LTBP4: variants seen among roughly 807,000 people sequenced by gnomAD.
LTBP4 encodes the protein latent-transforming growth factor beta-binding protein 4.
Under a neutral mutation model 180.2 loss-of-function variants are expected in LTBP4, and 93 were observed. The observed-to-expected ratio is 0.52, with a 90% CI of 0.44 to 0.61. The LOEUF is 0.61. Ranked by LOEUF, LTBP4 falls within the 20% of genes least tolerant of loss-of-function variation. LTBP4 has a pLI of 0.00. For missense variants in LTBP4, 2,116 were observed against 2,256.5 expected (o/e 0.94, Z 1.26); for synonymous variants, 947 against 934.5 (o/e 1.01, Z -0.24).
At position 40,627,748 on chromosome 19, in the gene LTBP4, C is replaced by A; in HGVS notation, c.4410C>A (p.Cys1470Ter). The A allele has an allele frequency of 6.3e-7, 1 of 1,595,458 alleles. No individual in the cohort carries two copies. Among genetic ancestry groups the A allele is most frequent in the Non-Finnish European group, 8.5e-7 (1 of 1,172,836 alleles). ...EPYEELEAEE[C>*]GILDGCTNGR... The stretch of plus-strand genomic sequence containing the variant: ...ACGAGGAGCTGGAGGCGGAGGAGTG[C>A]GGGATCCTGGACGGCTGCACCAACG... The change falls in exon 29 of 30, where the codon TGC becomes TGA. Residue 1470 changes from cysteine to a stop codon, truncating the protein, a stop_gained. Transcript: ENST00000396819. LOFTEE classifies it high-confidence loss of function.
intron 22 of LTBP4, among the ~76,000 whole-genome samples, chr19:40,620,457 ATT>A (rs35660397): frequency 6.0e-4 from 88 of 146,872 alleles, no homozygotes; most frequent in Non-Finnish European, 6.3e-4. Context: ...AGGCTGCAGT[ATT>A]TTTTTTTTTT....
chr19:40,595,633 G>A lies in LTBP4; in HGVS notation c.16+2452G>A, dbSNP rs111812801. 4.6e-5 allele frequency among the ~76,000 whole-genome samples: 7 copies of A among 152,270 alleles called. 2 individuals are homozygous for A. The highest frequency in any genetic ancestry group is 1.7e-4 in the African/African-American group (7 of 41,562). On this transcript the variant is annotated intron_variant, in intron 1 of 32. Transcript: ENST00000204005. ...TGAAGCCTGGAACCCCGGTGTGGAC[G>A]GGGTTTAAGGGCCCCTGTGGCTTGC...
In LTBP4 at chr19:40,608,582, G is replaced by A. The variant is rs943983449; in HGVS notation, c.1405G>A (p.Gly469Ser). Residue 469 changes from glycine to serine, a missense_variant, in exon 9 of 30, where the codon GGT (glycine) becomes AGT (serine). Gly to Ser is a moderately conservative substitution (Grantham distance 56, BLOSUM62 0). Around this residue, in one of 5 missense-constraint regions of LTBP4, gnomAD observed 877 missense variants for 873.6 expected, o/e 1.00. Transcript: ENST00000396819. ...LPLPSIPAWT[G>S]PEIPESGPSS... ...CTTGCCCAGCATCCCTGCCTGGACT[G>A]GTCCTGAGATTCCTGAATCAGGTTT... 1.3e-6 allele frequency: 2 copies of A among 1,597,738 alleles called. No homozygotes were observed. Among genetic ancestry groups the A allele is most frequent in the Admixed American group, 1.8e-5 (1 of 57,040 alleles).
Position 40,622,773 on chromosome 19 carries a change from T to C in LTBP4, c.3484+106T>C. 1 of 1,451,080 alleles carries C rather than the reference T, an allele frequency of 6.9e-7. No homozygotes were observed. Among genetic ancestry groups the C allele is most frequent in the South Asian group, 1.4e-5 (1 of 73,956 alleles). 89.9% of individuals were successfully genotyped at this position (1,451,080 alleles called of 1,614,324 possible). A position where few individuals can be genotyped will look rare whatever the true frequency, so the allele number is the denominator to read the frequency against. Reference sequence around the variant, plus strand: ...ACTTTTGGACAGGGCCTTGAGGTACTAGTACTGTCAGGGCAAGGGCGAGCT... The same window carrying C: ...ACTTTTGGACAGGGCCTTGAGGTACCAGTACTGTCAGGGCAAGGGCGAGCT... On this transcript the variant is annotated intron_variant, in intron 23 of 29. Coordinates refer to ENST00000396819, the MANE Select transcript of LTBP4 (RefSeq NM_001042545.2). This position sits in a 1 kb window ranked among gnomAD's most constrained non-coding sequence, Gnocchi z 5.1.
rs1397661653 is a variant in LTBP4 at position 40,622,520 on chromosome 19, C to T, written c.3337C>T (p.Arg1113Cys). Residue 1113 changes from arginine to cysteine, a missense_variant, in exon 23 of 30, where the codon CGC becomes TGC. Transcript: ENST00000396819. The surrounding 1 kb of genome is among the most constrained non-coding windows in gnomAD (Gnocchi z 5.1). Reference protein sequence around the residue: ...TPRQGPVGSGRRECYFDTAAP... With the variant: ...TPRQGPVGSGCRECYFDTAAP... ...TAGGCAGGGCCCTGTGGGGAGTGGGCGCCGGGAGTGCTACTTTGACACAGC... is the reference window on the plus strand; with the variant it reads ...TAGGCAGGGCCCTGTGGGGAGTGGGTGCCGGGAGTGCTACTTTGACACAGC... The T allele has an allele frequency of 4.3e-6, 7 of 1,613,510 alleles. No individual in the cohort carries two copies. The highest frequency in any genetic ancestry group is 5.1e-6 in the Non-Finnish European group (6 of 1,179,780).
chr19:40,613,320 T>G lies in LTBP4; in HGVS notation c.2432-84T>G. 6.4e-7 allele frequency: 1 copy of G among 1,551,380 alleles called. No individual in the cohort carries two copies. Among genetic ancestry groups the G allele is most frequent in the South Asian group, 1.2e-5 (1 of 84,544 alleles). On this transcript the variant is annotated intron_variant, in intron 16 of 29. Transcript: ENST00000396819. This position sits in a 1 kb window ranked among gnomAD's most constrained non-coding sequence, Gnocchi z 5.0. ...GAGGAGCTTAGAAACCTGGCATTGG[T>G]GGGGGCGGGGTTACTGCGATGTGGG... is the stretch of plus-strand genomic sequence containing the variant.
At position 40,608,203 on chromosome 19, in the gene LTBP4, C is replaced by G. The variant is rs181126225; in HGVS notation, c.1157-17C>G. The G allele has an allele frequency of 1.2e-3, 1,949 of 1,613,730 alleles. 26 individuals are homozygous for G. Among genetic ancestry groups the G allele is most frequent in the Non-Finnish European group, 2.4e-4 (288 of 1,179,826 alleles). ...CCGCTCTCTTGTCCTCTCTCTGTCT[C>G]TCTTACCTATTCCCAGAGGGTTTCC... On this transcript the variant is annotated splice_polypyrimidine_tract_variant and intron_variant, in intron 7 of 29. Transcript: ENST00000396819.
intron 12 of LTBP4, 25 bp downstream of exon 12, chr19:40,610,682 G>A (rs2081499679): frequency 1.3e-6 from 2 of 1,568,896 alleles, no homozygotes; most frequent in Non-Finnish European, 1.7e-6. Context: ...GGGGCAGCTG[G>A]GAAGGGGTGT....
chr19:40,601,902 G>C (rs982989154), intron 1 of LTBP4, among the ~76,000 whole-genome samples: 1 of 151,990 alleles, frequency 6.6e-6, no homozygotes, highest in Non-Finnish European at 1.5e-5. Context: ...TTCATGCTTT[G>C]CGTCAAAATG....
At chr19:40,624,817 CTG>C (rs998498989) in intron 26 of LTBP4, among the ~76,000 whole-genome samples, 1 of 151,936 alleles carries the variant, frequency 6.6e-6, no homozygotes, top group African/African-American at 2.4e-5. Flanking sequence ...CTCTAGGTCT[CTG>C]TCTCTTTCCA....
At chr19:40,617,725 G>T (rs1226287186) in intron 21 of LTBP4, among the ~76,000 whole-genome samples, 1 of 149,786 alleles carries the variant, frequency 6.7e-6, no homozygotes, top group African/African-American at 2.5e-5. Flanking sequence ...TTTTATTTTT[G>T]TGTGTGTTCT....
At chr19:40,620,234 AATTTTTTTTAAATGT>A (rs2081576929) in intron 22 of LTBP4, among the ~76,000 whole-genome samples, 1 of 134,952 alleles carries the variant, frequency 7.4e-6, no homozygotes, top group Non-Finnish European at 1.6e-5. Flanking sequence ...TTTTTTTGAA[AATTTTTTTTAAATGT>A]TTTTTTTTTA....
Position 40,613,628 on chromosome 19 carries a change from A to G in LTBP4, c.2557+99A>G. The G allele has an allele frequency of 1.3e-6, 2 of 1,522,994 alleles. No individual in the cohort carries two copies. The highest frequency in any genetic ancestry group is 1.8e-6 in the Non-Finnish European group (2 of 1,134,622). 94.3% of individuals were successfully genotyped at this position (1,522,994 alleles called of 1,614,324 possible). A position where few individuals can be genotyped will look rare whatever the true frequency, so the allele number is the denominator to read the frequency against. On this transcript the variant is annotated intron_variant, in intron 17 of 29. Transcript: ENST00000396819. The surrounding 1 kb of genome is among the most constrained non-coding windows in gnomAD (Gnocchi z 5.0). ...GGCGAAAAGGGGAAAACGAGTTTTT[A>G]GCCGGGGTATTCCAGCAGGATCAGG...
upstream of LTBP4, chr19:40,597,493 C>A: frequency 2.5e-6 from 3 of 1,215,606 alleles, no homozygotes; most frequent in Non-Finnish European, 3.2e-6. Context: ...TGTGGAGATG[C>A]AAAGAGGGCC....
chr19:40,605,153 G>A lies in LTBP4; in HGVS notation c.369G>A (p.Pro123=). 3.7e-6 allele frequency: 6 copies of A among 1,612,068 alleles called. No homozygotes were observed. The highest frequency in any genetic ancestry group is 5.1e-6 in the Non-Finnish European group (6 of 1,179,208). Residue 123 remains proline, a synonymous_variant, in exon 2 of 30, where the codon CCG becomes CCA. Transcript: ENST00000396819. This position sits in a 1 kb window ranked among gnomAD's most constrained non-coding sequence, Gnocchi z 5.5. ...CQLHSSGARP[P]APAVPGLTRS... is the part of the protein sequence containing the mutation. ...TGCACTCCTCGGGCGCCCGGCCCCC[G>A]GCCCCGGCTGTACCAGGCCTCACCC...
intron 19 of LTBP4, 129 bp downstream of exon 19, chr19:40,614,575 T>A: frequency 8.1e-7 from 1 of 1,230,026 alleles, no homozygotes; most frequent in Non-Finnish European, 1.1e-6. Context: ...TCTCACCGTA[T>A]CTCTGTAGTG....
intron 11 of LTBP4, 78 bp from the exon 12 acceptor site, chr19:40,610,454 C>T (rs775045820): frequency 2.0e-6 from 3 of 1,499,266 alleles, no homozygotes; most frequent in Non-Finnish European, 2.7e-6. Flanking sequence ...GCTCCCGCTT[C>T]CCTCTACCCC....
intron 9 of LTBP4, chr19:40,608,901 T>TAAAAA: frequency 5.2e-5 from 2 of 38,234 alleles, no homozygotes; most frequent in Non-Finnish European, 8.2e-5. Context: ...ACACTCCATC[T>TAAAAA]CAAAAAAAAA....
In LTBP4 at chr19:40,601,545, G is replaced by C. The variant is rs1279895233; in HGVS notation, c.158G>C (p.Arg53Pro). ...TGCGTCCATGGGCCGACCGGCTCCC[G>C]CTGTACCCCGACCTGCGCGCCCCGC... ...LRCVHGPTGS[R>P]CTPTCAPRNA... Residue 53 changes from arginine (R) to proline (P), a missense_variant, in exon 1 of 30, where the codon CGC becomes CCC. This residue lies in a region of LTBP4 where 469 missense variants were observed against 532.5 expected (regional missense o/e 0.88). Transcript: ENST00000396819. 1.3e-6 allele frequency: 2 copies of C among 1,486,510 alleles called. No individual in the cohort carries two copies. Among genetic ancestry groups the C allele is most frequent in the Non-Finnish European group, 1.8e-6 (2 of 1,124,860 alleles). 92.1% of individuals were successfully genotyped at this position (1,486,510 alleles called of 1,614,324 possible).
Sources: allele counts gnomAD v4.1 joint callset (sites outside exome capture counted in the v4.1 genomes callset), GRCh38; gene constraint gnomAD v4.1.1; regional missense constraint gnomAD v4.1.1; non-coding constraint Gnocchi (gnomAD v3.1); transcripts MANE v1.5; gene names NCBI Gene and HGNC (gene_info 2026-07-23, HGNC 2026-07-21).